The following MAN2B1 variants were observed in gnomAD, a reference collection of about 807,000 sequenced individuals.
MAN2B1 encodes the protein lysosomal alpha-mannosidase.
A neutral mutation model predicts 127.5 loss-of-function variants in MAN2B1; 99 were observed. The observed-to-expected ratio is 0.78, with a 90% confidence interval of 0.66 to 0.92. The LOEUF (loss-of-function observed/expected upper bound fraction) is 0.92, where lower values mean the gene tolerates loss of function less well. Ranked by LOEUF, MAN2B1 falls within the 40% of genes least tolerant of loss-of-function variation. MAN2B1 has a pLI of 0.00. For synonymous variants in MAN2B1, 573 were observed against 568.8 expected (o/e 1.01, Z -0.11); for missense variants, 1,304 against 1,384.8 (o/e 0.94, Z 0.93).
intron 3 of MAN2B1, 166 bp from the exon 4 acceptor site, chr19:12,665,151 G>T: frequency 9.9e-7 from 1 of 1,014,560 alleles, no homozygotes; most frequent in Non-Finnish European, 1.5e-6. Flanking sequence ...GAGGCCCCCT[G>T]CATGGCAGGC....
chr19:12,648,822 C>G (rs10418260), intron 20 of MAN2B1, among the ~76,000 whole-genome samples: 3,274 of 152,174 alleles, frequency 0.022, 116 homozygotes, highest in African/African-American at 0.075. Flanking sequence ...TGGTGAAACC[C>G]CATCTCTACT....
chr19:12,647,672 C>A lies in MAN2B1; in HGVS notation c.2665-74G>T, dbSNP rs140949750. On this transcript the variant is annotated intron_variant, in intron 21 of 23. Transcript: ENST00000456935. This position sits in a 1 kb window ranked among gnomAD's most constrained non-coding sequence, Gnocchi z 4.9. ...GGAGAAGGGCGGGGCCGAGCCAGGT[C>A]AGGAGGCAGGGCTAGGTTGTAGGGG... is the stretch of plus-strand genomic sequence containing the variant. 2,806 of 1,345,264 alleles carry A rather than the reference C, an allele frequency of 2.1e-3. 40 individuals carry two copies. In the African/African-American group the frequency reaches 0.033, roughly 16 times the overall value. 83.3% of individuals were successfully genotyped at this position (1,345,264 alleles called of 1,614,324 possible). A position where few individuals can be genotyped will look rare whatever the true frequency, so the allele number is the denominator to read the frequency against.
At chr19:12,655,265 C>T (rs1029902391) in intron 14 of MAN2B1, among the ~76,000 whole-genome samples, 2 of 152,208 alleles carry the variant, frequency 1.3e-5, no homozygotes, top group Non-Finnish European at 2.9e-5. Flanking sequence ...CCACACTGAG[C>T]TCCTTGTGGC....
intron 12 of MAN2B1, 36 bp downstream of exon 12, chr19:12,656,913 A>G (rs746235863): frequency 6.5e-7 from 1 of 1,535,242 alleles, no homozygotes; most frequent in African/African-American, 1.4e-5. Context: ...TCTAAAGCCC[A>G]TCTGCCCTAG....
rs1266555392 is a variant in MAN2B1 at position 12,663,694 on chromosome 19, G to A, written c.763+9C>T. The A allele has an allele frequency of 4.4e-6, 7 of 1,605,642 alleles. No homozygotes were observed. The South Asian group carries it at 6.6e-5, about 15-fold the overall frequency. On this transcript the variant is annotated intron_variant, in intron 5 of 23. Coordinates refer to ENST00000456935, the MANE Select transcript of MAN2B1 (RefSeq NM_000528.4). Reference sequence around the variant, plus strand: ...CCATGGCTGGCCCTGCCCTCACCAAGCCCCCTACCAGTGAAGAGGTCCGCG... The same window carrying A: ...CCATGGCTGGCCCTGCCCTCACCAAACCCCCTACCAGTGAAGAGGTCCGCG...
rs367852398 is a variant in MAN2B1, at chr19:12,649,141, G to A, written c.2431C>T (p.Leu811Phe). The change falls in exon 20 of 24, where the codon CTC (leucine) becomes TTC (phenylalanine). Residue 811 changes from leucine (L) to phenylalanine (F), a missense_variant. Physicochemically the swap from Leu to Phe is conservative, Grantham distance 22. Coordinates refer to ENST00000456935, the MANE Select transcript of MAN2B1 (RefSeq NM_000528.4). The stretch of plus-strand genomic sequence containing the variant: ...TGGGGCTCTGACCCACTCACCATGA[G>A]CTCCAGCGAGCCATCTCTCAGGCTG... ...GSSLRDGSLE[L>F]MVHRRLLKDD... is the part of the protein sequence containing the mutation. 111 of 1,611,848 alleles carry A rather than the reference G, an allele frequency of 6.9e-5. No individual in the cohort carries two copies. The highest frequency in any genetic ancestry group is 8.3e-5 in the Non-Finnish European group (98 of 1,179,764).
chr19:12,661,206 C>G (rs1260046781), intron 7 of MAN2B1, 54 bp downstream of exon 7: 2 of 1,249,904 alleles, frequency 1.6e-6, no homozygotes, highest in Non-Finnish European at 2.4e-6. Flanking sequence ...AACCCAAGGC[C>G]CCCGGATGCA....
chr19:12,658,388 G>A (rs764100402), intron 8 of MAN2B1, 40 bp downstream of exon 8: 1 of 1,614,218 alleles, frequency 6.2e-7, no homozygotes, highest in Non-Finnish European at 8.5e-7. Context: ...GACCCACGGG[G>A]CATGCCAACC....
chr19:12,649,219 G>T lies in MAN2B1; in HGVS notation c.2356-3C>A, dbSNP rs1235956943. 6.2e-7 allele frequency: 1 copy of T among 1,613,470 alleles called. No individual in the cohort carries two copies. ...ACAGTCAGCTGCATGTTTCCATCCT[G>T]GGAGTTGAAGGGTGAAAGTAGAGGG... is the stretch of plus-strand genomic sequence containing the variant. On this transcript the variant is annotated splice_polypyrimidine_tract_variant and splice_region_variant and intron_variant, in intron 19 of 23. Coordinates refer to ENST00000456935, the MANE Select transcript of MAN2B1 (RefSeq NM_000528.4).
At chr19:12,657,361 C>A in intron 11 of MAN2B1, 85 bp downstream of exon 11, 1 of 1,265,858 alleles carries the variant, frequency 7.9e-7, no homozygotes, top group Non-Finnish European at 1.1e-6. Context: ...CTACGCCTCA[C>A]ACCTGTCTCT....
At position 12,664,807 on chromosome 19, in the gene MAN2B1, GGCCTGCT is replaced by G; in HGVS notation, c.608_614del (p.Glu203AlafsTer41). On this transcript the variant is annotated frameshift_variant, in exon 4 of 24. Coordinates refer to ENST00000456935, the MANE Select transcript of MAN2B1 (RefSeq NM_000528.4). LOFTEE classifies it high-confidence loss of function. ...CGGGTCGCACCTGCGCAAACAGCGA[GGCCTGCT>G]CCCGAGAGTGGCCGAAGGGGTCAAT... 1 of 1,613,528 alleles carries G rather than the reference GGCCTGCT, an allele frequency of 6.2e-7. No individual in the cohort carries two copies. Among genetic ancestry groups the G allele is most frequent in the Non-Finnish European group, 8.5e-7 (1 of 1,179,860 alleles).
chr19:12,665,482 G>A lies in MAN2B1; in HGVS notation c.306C>T (p.Asp102=), dbSNP rs2145289655. The change falls in exon 3 of 24, where the codon GAC becomes GAT. Residue 102 remains aspartate (D), a synonymous_variant. Transcript: ENST00000456935. ...IQHAGVQYIL[D]SVISALLADP... is the part of the protein sequence containing the mutation. ...CTGCCAGCAAGGCAGAGATGACCGA[G>A]TCCAGGATGTACTGCACACCGGCGT... is the stretch of plus-strand genomic sequence containing the variant. The A allele has an allele frequency of 6.2e-7, 1 of 1,614,200 alleles. No individual in the cohort carries two copies. Among genetic ancestry groups the A allele is most frequent in the Non-Finnish European group, 8.5e-7 (1 of 1,180,048 alleles).
intron 2 of MAN2B1, 77 bp downstream of exon 2, chr19:12,665,626 C>A (rs1568308795): frequency 6.3e-7 from 1 of 1,584,800 alleles, no homozygotes; most frequent in Non-Finnish European, 8.7e-7. Context: ...AGCACTGGCC[C>A]CACCCTAATG....
intron 4 of MAN2B1, among the ~76,000 whole-genome samples, chr19:12,664,459 C>T (rs146228341): frequency 1.7e-4 from 26 of 152,316 alleles, no homozygotes; most frequent in African/African-American, 6.3e-4. Flanking sequence ...AGGTAATGAA[C>T]CTGTTTTTAA....
At position 12,663,310 on chromosome 19, in the gene MAN2B1, G is replaced by C; in HGVS notation, c.909+7C>G. 2 of 1,614,212 alleles carry C rather than the reference G, an allele frequency of 1.2e-6. No homozygotes were observed. Among genetic ancestry groups the C allele is most frequent in the Non-Finnish European group, 1.7e-6 (2 of 1,180,036 alleles). On this transcript the variant is annotated splice_region_variant and intron_variant, in intron 6 of 23. Coordinates refer to ENST00000456935, the MANE Select transcript of MAN2B1 (RefSeq NM_000528.4). The stretch of plus-strand genomic sequence containing the variant: ...CCGGACTCGAAGGTTCTGGACACCA[G>C]GGTTACCTGGGCAGTGGCCACATTT...
rs747326431 is a variant in MAN2B1, at chr19:12,665,411, C to A, written c.377G>T (p.Arg126Leu). The change falls in exon 3 of 24, where the codon CGT (arginine) becomes CTT (leucine). Residue 126 changes from arginine (R) to leucine (L), a missense_variant. Arg to Leu is a moderately radical substitution (Grantham distance 102). Coordinates refer to ENST00000456935, the MANE Select transcript of MAN2B1 (RefSeq NM_000528.4). ...FIYVEIAFFSRWWHQQTNATQ... is the reference protein window; with the variant it reads ...FIYVEIAFFSLWWHQQTNATQ... ...GGCATTTGTCTGCTGGTGCCACCAA[C>A]GGGAGAAGAAGGCAATCTCCACGTA... 1.2e-5 allele frequency: 19 copies of A among 1,612,184 alleles called. No individual in the cohort carries two copies. The East Asian group carries it at 4.2e-4, about 36-fold the overall frequency.
Position 12,658,146 on chromosome 19 carries a change from A to C in MAN2B1, c.1231-5T>G. 6.2e-7 allele frequency: 1 copy of C among 1,613,414 alleles called. No homozygotes were observed. The highest frequency in any genetic ancestry group is 8.5e-7 in the Non-Finnish European group (1 of 1,179,924). ...CGCCTCCAGCTGGTTGCACACCTGG[A>C]GGCAGAGGGGTATGTTGGGGCGCCC... is the stretch of plus-strand genomic sequence containing the variant. On this transcript the variant is annotated splice_region_variant and splice_polypyrimidine_tract_variant and intron_variant, in intron 9 of 23. Coordinates refer to ENST00000456935, the MANE Select transcript of MAN2B1 (RefSeq NM_000528.4).
chr19:12,655,842 G>A lies in MAN2B1; in HGVS notation c.1682C>T (p.Pro561Leu), dbSNP rs372845403. ...TGAGGCTGAGAACAGCAGCTCCGGA[G>A]GGTGCGCCTGGCTGTCTGAGCTGGG... ...IFPSSDSQAH[P>L]PELLFSASLP... The change falls in exon 14 of 24, where the codon CCT becomes CTT. Residue 561 changes from proline to leucine, a missense_variant. By Grantham distance (98) the Pro-to-Leu change is moderately conservative. Transcript: ENST00000456935. The A allele has an allele frequency of 1.8e-5, 29 of 1,613,882 alleles. No homozygotes were observed. Among genetic ancestry groups the A allele is most frequent in the Middle Eastern group, 1.6e-4 (1 of 6,074 alleles).
chr19:12,650,215 A>AG lies in MAN2B1; in HGVS notation c.2053_2054insC (p.Leu685SerfsTer50). The AG allele has an allele frequency of 6.2e-7, 1 of 1,611,936 alleles. No individual in the cohort carries two copies. Among genetic ancestry groups the AG allele is most frequent in the Non-Finnish European group, 8.5e-7 (1 of 1,178,336 alleles). On this transcript the variant is annotated frameshift_variant, in exon 17 of 24. Transcript: ENST00000456935. LOFTEE classifies it high-confidence loss of function. ...GAAGTTCTGGTGCACCTCCTGCACC[A>AG]AGGGTGTCTGCGGGCACACGGGTGA...
Sources: gnomAD v4.1 joint callset for allele counts (sites outside exome capture counted in the v4.1 genomes callset) on GRCh38, gnomAD v4.1.1 for gene constraint, Gnocchi (gnomAD v3.1) non-coding constraint, MANE v1.5 for transcripts, NCBI Gene and HGNC (gene_info 2026-07-23, HGNC 2026-07-21) for gene names.